Variants in PKHD1 observed in about 807,000 individuals in gnomAD.
PKHD1 encodes fibrocystin.
In PKHD1, 291 loss-of-function variants were observed where a neutral mutation model predicts 412.0. That is an observed-to-expected ratio of 0.71 (90% CI 0.64 to 0.78). The LOEUF is 0.78. Among genes scored for constraint, PKHD1 ranks in the 30% least tolerant of loss-of-function variants. The probability of loss-of-function intolerance (pLI) is 0.00; values close to 1 mark genes in which losing one functional copy is unlikely to be tolerated. For synonymous variants in PKHD1, 1,777 were observed against 1,821.5 expected (o/e 0.98, Z 0.62); for missense variants, 4,825 against 4,950.7 (o/e 0.97, Z 0.76).
intron 52 of PKHD1, among the ~76,000 whole-genome samples, chr6:51,812,096 C>A (rs1764771529): frequency 6.6e-6 from 1 of 152,108 alleles, no homozygotes; most frequent in Non-Finnish European, 1.5e-5. Context: ...AGGAATGAGA[C>A]ACACCTGGAT....
At chr6:51,638,772 A>T in intron 64 of PKHD1, 77 bp downstream of exon 64, 1 of 869,734 alleles carries the variant, frequency 1.1e-6, no homozygotes. Flanking sequence ...AGCTATTCCC[A>T]CTATAAGGGA....
rs137852949 is a variant in PKHD1, at chr6:52,058,349, G to A, written c.1486C>T (p.Arg496Ter). 2.7e-4 allele frequency: 440 copies of A among 1,614,018 alleles called. No homozygotes were observed. Among genetic ancestry groups the A allele is most frequent in the African/African-American group, 9.3e-5 (7 of 74,910 alleles). The change falls in exon 16 of 67, where the codon CGA (arginine) becomes TGA (stop). Residue 496 changes from arginine (R) to a stop codon, truncating the protein, a stop_gained. Coordinates refer to ENST00000371117, the MANE Select transcript of PKHD1 (RefSeq NM_138694.4). LOFTEE classifies it high-confidence loss of function. ...YLREKHQIRV[R>*]AQRLPEVQVL... Reference sequence around the variant, plus strand: ...TGTACTTCTGGAAGCCTCTGGGCTCGGACTCGGATCTGGTGCTTCTCCCGT... The same window carrying A: ...TGTACTTCTGGAAGCCTCTGGGCTCAGACTCGGATCTGGTGCTTCTCCCGT...
intron 35 of PKHD1, among the ~76,000 whole-genome samples, chr6:51,982,875 T>TA (rs747895518): frequency 0.4 from 54,907 of 136,784 alleles, 11,371 homozygotes; most frequent in Non-Finnish European, 0.52. Context: ...TAAAATAAAA[T>TA]AAAATAAAAT....
chr6:51,895,571 A>ATT (rs200997405), intron 43 of PKHD1, among the ~76,000 whole-genome samples: 1 of 151,298 alleles, frequency 6.6e-6, no homozygotes, highest in Non-Finnish European at 1.5e-5. Flanking sequence ...TATTAAATAC[A>ATT]TTTTTTTTTG....
chr6:51,887,335 T>A (rs935101402), intron 43 of PKHD1, 90 bp from the exon 44 acceptor site: 65 of 808,240 alleles, frequency 8.0e-5, no homozygotes, highest in Non-Finnish European at 6.6e-6. Context: ...TCATCCCAAT[T>A]TTATATTCAC....
At chr6:51,700,554 C>A (rs1432470685) in intron 60 of PKHD1, among the ~76,000 whole-genome samples, 5 of 151,976 alleles carry the variant, frequency 3.3e-5, no homozygotes, top group African/African-American at 9.7e-5. Flanking sequence ...GACAATAGCA[C>A]CCCCCAAGGA....
chr6:51,673,879 A>G (rs1447605978), intron 60 of PKHD1, among the ~76,000 whole-genome samples: 1 of 152,206 alleles, frequency 6.6e-6, no homozygotes, highest in African/African-American at 2.4e-5. Flanking sequence ...TTCTTTGAAT[A>G]TAAAGAAGAG....
At chr6:51,647,566 T>C (rs2784232) in intron 63 of PKHD1, among the ~76,000 whole-genome samples, 2,236 of 152,306 alleles carry the variant, frequency 0.015, 46 homozygotes, top group African/African-American at 0.05. Context: ...TTTGCACTTA[T>C]CATCACATTT....
chr6:51,792,925 G>A (rs1359751419), intron 52 of PKHD1, among the ~76,000 whole-genome samples: 1 of 152,100 alleles, frequency 6.6e-6, no homozygotes, highest in Non-Finnish European at 1.5e-5. Context: ...ATTATTGTAC[G>A]TGAGGAAGTA....
intron 36 of PKHD1, among the ~76,000 whole-genome samples, chr6:51,944,523 A>G (rs1378824978): frequency 6.6e-6 from 1 of 152,140 alleles, no homozygotes; most frequent in Non-Finnish European, 1.5e-5. Flanking sequence ...AGACTCAACC[A>G]GTGCTGTGGC....
rs182216709 is a variant in PKHD1, at chr6:52,027,830, C to T, written c.3627G>A (p.Leu1209=). 181 of 1,607,292 alleles carry T rather than the reference C, an allele frequency of 1.1e-4. No homozygotes were observed. The African/African-American group carries it at 1.9e-3, about 17-fold the overall frequency. The change falls in exon 31 of 67, where the codon CTG becomes CTA. Residue 1209 remains leucine, a splice_region_variant and synonymous_variant. Coordinates refer to ENST00000371117, the MANE Select transcript of PKHD1 (RefSeq NM_138694.4). ...AACAGTCACATAAGAGCCACTCACC[C>T]AGCAGGGACCCACAGCAAGGCTCGA... ...FSIEPCCGSL[L]GGTILSISGI... is the part of the protein sequence containing the mutation.
intron 52 of PKHD1, among the ~76,000 whole-genome samples, chr6:51,801,654 T>TGTGTGTGTGTGTGTGTGTGTGTGAGAGA (rs751203950): frequency 7.9e-5 from 9 of 114,250 alleles, no homozygotes; most frequent in East Asian, 2.6e-4. Context: ...TGTGTGTGTG[T>TGTGTGTGTGTGTGTGTGTGTGTGAGAGA]GAGAGAGAGA....
At chr6:51,780,342 C>T (rs991687914) in intron 53 of PKHD1, among the ~76,000 whole-genome samples, 1 of 151,342 alleles carries the variant, frequency 6.6e-6, no homozygotes, top group Non-Finnish European at 1.5e-5. Flanking sequence ...GCCGAGATCG[C>T]ACCACACTGC....
chr6:52,055,478 G>T, intron 19 of PKHD1, 109 bp downstream of exon 19: 2 of 1,250,088 alleles, frequency 1.6e-6, no homozygotes, highest in Non-Finnish European at 1.2e-6. Context: ...AACACCTTGG[G>T]CAGATCACAG....
At chr6:51,620,881 C>T (rs1766530251) in intron 66 of PKHD1, among the ~76,000 whole-genome samples, 2 of 151,030 alleles carry the variant, frequency 1.3e-5, no homozygotes, top group South Asian at 2.1e-4. Context: ...CATGACACAT[C>T]TACTAATATT....
rs527458577 is a variant in PKHD1, at chr6:51,628,371, C to T, written c.11666-1255G>A. On this transcript the variant is annotated intron_variant, in intron 65 of 66. Coordinates refer to ENST00000371117, the MANE Select transcript of PKHD1 (RefSeq NM_138694.4). ...GCATTAATTCACTTAGTTTAGTGTC[C>T]TCCAGCCACATCAATGTTGCTGCAA... is the stretch of plus-strand genomic sequence containing the variant. 5.3e-5 allele frequency among the ~76,000 whole-genome samples: 8 copies of T among 152,254 alleles called. No homozygotes were observed. In the East Asian group the frequency reaches 1.5e-3, roughly 29 times the overall value.
At chr6:51,730,490 T>C (rs1783107826) in intron 60 of PKHD1, among the ~76,000 whole-genome samples, 2 of 152,262 alleles carry the variant, frequency 1.3e-5, no homozygotes, top group Non-Finnish European at 2.9e-5. Flanking sequence ...CTATTTTTGT[T>C]ATAAACTAAA....
chr6:51,680,965 T>C (rs1776580132), intron 60 of PKHD1, among the ~76,000 whole-genome samples: 1 of 151,876 alleles, frequency 6.6e-6, no homozygotes, highest in Non-Finnish European at 1.5e-5. Context: ...TAAAAATCGG[T>C]TGGTTGTGAA....
chr6:51,736,638 G>A (rs578065733), intron 60 of PKHD1, among the ~76,000 whole-genome samples: 39 of 152,302 alleles, frequency 2.6e-4, no homozygotes, highest in African/African-American at 9.4e-4. Context: ...TTTGGGGCCT[G>A]TAATTGCTTG....
Sources: allele counts gnomAD v4.1 joint callset (sites outside exome capture counted in the v4.1 genomes callset), GRCh38; gene constraint gnomAD v4.1.1; transcripts MANE v1.5; gene names NCBI Gene and HGNC (gene_info 2026-07-23, HGNC 2026-07-21).